The following XKR6 variants were observed in gnomAD, a reference collection of about 807,000 sequenced individuals.
XKR6 encodes the protein XK-related protein 6.
In XKR6, 22 loss-of-function variants were observed where a neutral mutation model predicts 56.7. The observed-to-expected ratio is 0.39, with a 90% CI of 0.28 to 0.55. The LOEUF (loss-of-function observed/expected upper bound fraction) is 0.55. Among genes scored for constraint, XKR6 ranks in the 20% least tolerant of loss-of-function variants. XKR6 has a pLI of 0.66. For missense variants in XKR6, 852 were observed against 889.0 expected (o/e 0.96, Z 0.53); for synonymous variants, 524 against 387.8 (o/e 1.35, Z -4.13).
chr8:11,081,429 G>A (rs1022877081), intron 1 of XKR6, among the ~76,000 whole-genome samples: 1 of 152,192 alleles, frequency 6.6e-6, no homozygotes, highest in Non-Finnish European at 1.5e-5. Context: ...TTATCTGCAC[G>A]ACAGTTCATC....
At chr8:11,040,099 G>A (rs1259301986) in intron 1 of XKR6, among the ~76,000 whole-genome samples, 1 of 152,054 alleles carries the variant, frequency 6.6e-6, no homozygotes, top group Non-Finnish European at 1.5e-5. Flanking sequence ...CAGTTCCTTG[G>A]GAAGGGTGAG....
chr8:10,911,688 GTA>G (rs1165738937), intron 2 of XKR6, among the ~76,000 whole-genome samples: 1 of 148,346 alleles, frequency 6.7e-6, no homozygotes, highest in Non-Finnish European at 1.5e-5. Flanking sequence ...GAGAGGGTGA[GTA>G]TATATATACA....
intron 1 of XKR6, among the ~76,000 whole-genome samples, chr8:11,192,586 G>T (rs1563208943): frequency 6.6e-6 from 1 of 152,080 alleles, no homozygotes; most frequent in East Asian, 1.9e-4. Context: ...CTGCACTCCA[G>T]CCTGGGAAAC....
intron 1 of XKR6, chr8:11,124,161 G>GA (rs1799632820): frequency 2.7e-6 from 1 of 368,744 alleles, no homozygotes; most frequent in African/African-American, 2.1e-5. Flanking sequence ...ATTTACATAT[G>GA]AAACTACAGT....
chr8:11,134,090 C>A (rs1057123927), intron 1 of XKR6, among the ~76,000 whole-genome samples: 6 of 152,154 alleles, frequency 3.9e-5, no homozygotes, highest in Admixed American at 2.0e-4. Flanking sequence ...CATCACCACA[C>A]CCTGGTTCCT....
chr8:11,087,174 T>C (rs535970153), intron 1 of XKR6, among the ~76,000 whole-genome samples: 2 of 152,322 alleles, frequency 1.3e-5, no homozygotes, highest in East Asian at 3.9e-4. Flanking sequence ...TCCAATCCTG[T>C]AACACCACAG....
intron 1 of XKR6, among the ~76,000 whole-genome samples, chr8:11,043,866 A>C (rs1456228588): frequency 1.3e-5 from 2 of 152,252 alleles, no homozygotes; most frequent in Non-Finnish European, 2.9e-5. Flanking sequence ...CTCTGTGGTG[A>C]TAAGATACCC....
intron 1 of XKR6, among the ~76,000 whole-genome samples, chr8:10,964,807 G>A (rs1802168513): frequency 6.6e-6 from 1 of 152,118 alleles, no homozygotes; most frequent in Non-Finnish European, 1.5e-5. Context: ...CACTGCACAC[G>A]GAATGAGTCC....
chr8:10,984,732 C>CTCTATATATATATA, intron 1 of XKR6, among the ~76,000 whole-genome samples: 80 of 47,476 alleles, frequency 1.7e-3, no homozygotes, highest in African/African-American at 4.6e-3. Flanking sequence ...CTCTCTCTCT[C>CTCTATATATATATA]TATATATATA....
At chr8:10,938,406 C>A (rs372824835) in intron 1 of XKR6, among the ~76,000 whole-genome samples, 11 of 152,202 alleles carry the variant, frequency 7.2e-5, no homozygotes, top group Non-Finnish European at 1.5e-5. Context: ...TGTTCCTATT[C>A]GGCCATCTTG....
chr8:11,125,061 CAT>C (rs1476581258), intron 1 of XKR6, among the ~76,000 whole-genome samples: 27 of 136,048 alleles, frequency 2.0e-4, no homozygotes, highest in Admixed American at 1.8e-3. Flanking sequence ...TGCACTCCAG[CAT>C]GGGCAACAGA....
At chr8:10,990,989 A>C (rs1412386968) in intron 1 of XKR6, among the ~76,000 whole-genome samples, 2 of 119,984 alleles carry the variant, frequency 1.7e-5, no homozygotes, top group African/African-American at 6.6e-5. Flanking sequence ...TGCCACCTCC[A>C]CCTCCCGGAG....
intron 1 of XKR6, among the ~76,000 whole-genome samples, chr8:11,003,623 A>G (rs1218273030): frequency 6.6e-6 from 1 of 152,168 alleles, no homozygotes; most frequent in African/African-American, 2.4e-5. Flanking sequence ...TATTATCTTC[A>G]TTTTACAAAT....
At chr8:10,905,905 TC>T (rs1563280328) in intron 2 of XKR6, among the ~76,000 whole-genome samples, 3 of 152,134 alleles carry the variant, frequency 2.0e-5, no homozygotes, top group Non-Finnish European at 2.9e-5. Flanking sequence ...ACCCACTGTC[TC>T]CCGTCCTCGC....
At chr8:10,991,252 A>C (rs1444718938) in intron 1 of XKR6, among the ~76,000 whole-genome samples, 1 of 151,940 alleles carries the variant, frequency 6.6e-6, no homozygotes, top group African/African-American at 2.4e-5. Flanking sequence ...GTAGGGGGGA[A>C]ATGCTGGTCA....
intron 1 of XKR6, among the ~76,000 whole-genome samples, chr8:11,017,818 T>C (rs1329540710): frequency 6.6e-6 from 1 of 152,156 alleles, no homozygotes; most frequent in Non-Finnish European, 1.5e-5. Flanking sequence ...GCCTGGTTCC[T>C]CCTGGGCCAG....
intron 1 of XKR6, among the ~76,000 whole-genome samples, chr8:11,141,740 T>C (rs560754634): frequency 6.6e-5 from 10 of 152,188 alleles, no homozygotes; most frequent in Admixed American, 2.0e-4. Context: ...TCTGTCTCCA[T>C]AGCCCTTGAC....
chr8:10,912,026 G>A (rs1469410144), intron 2 of XKR6, among the ~76,000 whole-genome samples: 1 of 150,050 alleles, frequency 6.7e-6, no homozygotes, highest in Non-Finnish European at 1.5e-5. Context: ...GCAAGAGAGG[G>A]TGAGTATATA....
chr8:10,896,487 G>C lies in XKR6; in HGVS notation c.*1465C>G, dbSNP rs944329907. The C allele has an allele frequency of 6.6e-6, 1 of 152,544 alleles. No homozygotes were observed. Among genetic ancestry groups the C allele is most frequent in the African/African-American group, 2.4e-5 (1 of 41,412 alleles). The allele number at this position is 152,544 out of a possible 1,614,324, so 9.4% of individuals were successfully genotyped here. A position where few individuals can be genotyped will look rare whatever the true frequency, so the allele number is the denominator to read the frequency against. On this transcript the variant is annotated 3_prime_UTR_variant, in exon 3 of 3. Coordinates refer to ENST00000416569, the MANE Select transcript of XKR6 (RefSeq NM_173683.4). ...CGTGATCCAAGTTCGTCTTACATCA[G>C]TTTTGTATATCTCTGGCAAGACTTT...
Sources: allele counts gnomAD v4.1 joint callset (sites outside exome capture counted in the v4.1 genomes callset), GRCh38; gene constraint gnomAD v4.1.1; transcripts MANE v1.5; gene names NCBI Gene and HGNC (gene_info 2026-07-23, HGNC 2026-07-21).